CSNK1E: variants seen among roughly 807,000 people sequenced by gnomAD.
The protein encoded by CSNK1E is casein kinase 1 epsilon, also known as casein kinase I isoform epsilon.
In CSNK1E, 17 loss-of-function variants were observed where a neutral mutation model predicts 46.1. The ratio of observed to expected loss-of-function variants is 0.37; its 90% CI spans 0.25 to 0.55. CSNK1E has a LOEUF of 0.55. CSNK1E is among the 20% of genes least tolerant of loss of function. The probability of loss-of-function intolerance (pLI) is 0.82; values close to 1 mark genes in which losing one functional copy is unlikely to be tolerated. For missense variants in CSNK1E, 386 were observed against 595.4 expected (o/e 0.65, Z 3.66); for synonymous variants, 241 against 242.6 (o/e 0.99, Z 0.06).
In CSNK1E at chr22:38,303,031, T is replaced by C; in HGVS notation, c.188-22A>G. ...CCCACTGGGGGTCAAGCAGAGGGCC[T>C]CTGTCAGGGGTCAGAGGCAGGCAGC... On this transcript the variant is annotated intron_variant, in intron 3 of 10. Coordinates refer to ENST00000396832, the MANE Select transcript of CSNK1E (RefSeq NM_152221.3). This position sits in a 1 kb window ranked among gnomAD's most constrained non-coding sequence, Gnocchi z 4.7. The C allele has an allele frequency of 6.3e-7, 1 of 1,579,198 alleles. No individual in the cohort carries two copies. The highest frequency in any genetic ancestry group is 8.6e-7 in the Non-Finnish European group (1 of 1,169,344).
At chr22:38,295,607 C>A (rs922005707) in intron 7 of CSNK1E, among the ~76,000 whole-genome samples, 1 of 152,164 alleles carries the variant, frequency 6.6e-6, no homozygotes, top group African/African-American at 2.4e-5. Context: ...AGAATGATCC[C>A]TGAATCTTAG....
At chr22:38,293,348 G>C (rs368611889) in intron 9 of CSNK1E, 29 bp from the exon 10 acceptor site, 1 of 1,338,498 alleles carries the variant, frequency 7.5e-7, no homozygotes, top group Non-Finnish European at 1.1e-6. Context: ...GAGAGAGGGG[G>C]AGGGAGAGAG....
At chr22:38,312,615 G>C (rs1373674349) in intron 2 of CSNK1E, among the ~76,000 whole-genome samples, 2 of 152,100 alleles carry the variant, frequency 1.3e-5, no homozygotes, top group African/African-American at 4.8e-5. Context: ...TGAGCTCCAG[G>C]GTGTCCATAG....
At chr22:38,296,549 C>A (rs545691050) in intron 7 of CSNK1E, 1 of 1,611,558 alleles carries the variant, frequency 6.2e-7, no homozygotes, top group Non-Finnish European at 8.5e-7. Context: ...CTACAGTGGC[C>A]GTGGCATTGA....
chr22:38,312,310 C>T (rs766282475), intron 2 of CSNK1E, among the ~76,000 whole-genome samples: 4 of 152,314 alleles, frequency 2.6e-5, no homozygotes, highest in African/African-American at 7.2e-5. Context: ...AAGTTGGTTT[C>T]GAACTCCTGG....
chr22:38,314,195 G>T (rs370688398), intron 1 of CSNK1E, 26 bp from the exon 2 acceptor site: 100 of 1,597,388 alleles, frequency 6.3e-5, no homozygotes, highest in Non-Finnish European at 8.0e-5. Context: ...GAACATGAGG[G>T]TCAGCGACGT....
At chr22:38,314,997 G>A (rs1375277092) in intron 1 of CSNK1E, among the ~76,000 whole-genome samples, 4 of 152,326 alleles carry the variant, frequency 2.6e-5, no homozygotes, top group Middle Eastern at 3.4e-3. Context: ...CGTGGGGACA[G>A]GGACCAGGGA....
At chr22:38,314,991 G>A (rs972106330) in intron 1 of CSNK1E, among the ~76,000 whole-genome samples, 1 of 152,324 alleles carries the variant, frequency 6.6e-6, no homozygotes, top group East Asian at 1.9e-4. Context: ...TGCTGCCGTG[G>A]GGACAGGGAC....
intron 2 of CSNK1E, among the ~76,000 whole-genome samples, chr22:38,305,766 G>A (rs1054950751): frequency 6.6e-5 from 10 of 152,052 alleles, no homozygotes; most frequent in African/African-American, 1.2e-4. Flanking sequence ...AAAGTCTTAC[G>A]AGATAACACA....
chr22:38,308,136 A>G (rs535509628), intron 2 of CSNK1E, among the ~76,000 whole-genome samples: 1 of 152,366 alleles, frequency 6.6e-6, no homozygotes, highest in South Asian at 2.1e-4. Context: ...ACAGAAATAG[A>G]ATCAAACAGA....
At chr22:38,296,376 G>A (rs2092640608) in intron 7 of CSNK1E, 1 of 1,394,564 alleles carries the variant, frequency 7.2e-7, no homozygotes, top group Non-Finnish European at 9.3e-7. Flanking sequence ...TGGCTTCCAG[G>A]CCCCAGGGAT....
chr22:38,297,690 C>T (rs772519463), intron 7 of CSNK1E: 829 of 994,282 alleles, frequency 8.3e-4, no homozygotes, highest in Non-Finnish European at 9.3e-4. Context: ...GGACCCGTTC[C>T]CACCAGGCCC....
Position 38,303,116 on chromosome 22 carries a change from C to G in CSNK1E, c.187+22G>C. On this transcript the variant is annotated intron_variant, in intron 3 of 10. Coordinates refer to ENST00000396832, the MANE Select transcript of CSNK1E (RefSeq NM_152221.3). This position sits in a 1 kb window ranked among gnomAD's most constrained non-coding sequence, Gnocchi z 4.7. ...CCCACCGCCACCCACCCGGCGCCCG[C>G]CGCCGCCCACCCTGCGCTCACCGCC... The G allele has an allele frequency of 6.2e-7, 1 of 1,600,130 alleles. No individual in the cohort carries two copies. The highest frequency in any genetic ancestry group is 8.5e-7 in the Non-Finnish European group (1 of 1,174,458).
chr22:38,296,250 G>A, intron 7 of CSNK1E: 1 of 1,139,228 alleles, frequency 8.8e-7, no homozygotes. Flanking sequence ...TAAAAGGTCA[G>A]CAAAGTCACA....
In CSNK1E at chr22:38,303,307, G is replaced by T. The variant is rs1037274546; in HGVS notation, c.77-59C>A. ...ACCCTCAAAGGCCAGGCAGTCCCAG[G>T]CGCCCCACTAAGCATTTCTGAGATC... On this transcript the variant is annotated intron_variant, in intron 2 of 10. Coordinates refer to ENST00000396832, the MANE Select transcript of CSNK1E (RefSeq NM_152221.3). This position sits in a 1 kb window ranked among gnomAD's most constrained non-coding sequence, Gnocchi z 4.7. The T allele has an allele frequency of 1.4e-6, 2 of 1,420,238 alleles. No homozygotes were observed. Among genetic ancestry groups the T allele is most frequent in the African/African-American group, 1.4e-5 (1 of 71,042 alleles). The allele number at this position is 1,420,238 out of a possible 1,614,324, so 88.0% of individuals were successfully genotyped here. A position where few individuals can be genotyped will look rare whatever the true frequency, so the allele number is the denominator to read the frequency against.
chr22:38,293,091 C>T (rs1569074031), intron 10 of CSNK1E, 164 bp downstream of exon 10: 5 of 639,388 alleles, frequency 7.8e-6, no homozygotes, highest in Non-Finnish European at 1.1e-5. Flanking sequence ...AGGCAGCCTC[C>T]GAGGTTTTAA....
chr22:38,317,386 C>A lies in CSNK1E; in HGVS notation c.-239G>T. On this transcript the variant is annotated 5_prime_UTR_variant, in exon 1 of 11. Coordinates refer to ENST00000396832, the MANE Select transcript of CSNK1E (RefSeq NM_152221.3). ...GCCGCCGCCGCCGCCTCCCTCCTCCCGGCCTCCTGCCCGCCCGCCCGCCCC... is the reference window on the plus strand; with the variant it reads ...GCCGCCGCCGCCGCCTCCCTCCTCCAGGCCTCCTGCCCGCCCGCCCGCCCC... The A allele has an allele frequency of 7.2e-6, 1 of 138,482 alleles. No individual in the cohort carries two copies. Among genetic ancestry groups the A allele is most frequent in the Non-Finnish European group, 1.6e-5 (1 of 63,580 alleles). The allele number at this position is 138,482 out of a possible 1,614,324, so 8.6% of individuals were successfully genotyped here.
At chr22:38,301,129 G>C (rs1376634873) in intron 4 of CSNK1E, among the ~76,000 whole-genome samples, 177 bp from the exon 5 acceptor site, 3 of 152,232 alleles carry the variant, frequency 2.0e-5, no homozygotes, top group African/African-American at 7.2e-5. Flanking sequence ...ACATCAGGAT[G>C]AACTCTAAAG....
chr22:38,295,439 G>A (rs1010573748), intron 7 of CSNK1E: 5 of 977,898 alleles, frequency 5.1e-6, no homozygotes, highest in Non-Finnish European at 6.1e-6. Context: ...GGCAGGAAGG[G>A]GGCCGCATCT....
Sources: allele counts gnomAD v4.1 joint callset (sites outside exome capture counted in the v4.1 genomes callset), GRCh38; gene constraint gnomAD v4.1.1; non-coding constraint Gnocchi (gnomAD v3.1); transcripts MANE v1.5; gene names NCBI Gene and HGNC (gene_info 2026-07-23, HGNC 2026-07-21).